The following ZFYVE28 variants were observed in gnomAD, a reference collection of about 807,000 sequenced individuals.
ZFYVE28 encodes zinc finger FYVE-type containing 28.
In ZFYVE28, 40 loss-of-function variants were observed where a neutral mutation model predicts 82.1. The ratio of observed to expected loss-of-function variants is 0.49; its 90% CI spans 0.38 to 0.63. The LOEUF (loss-of-function observed/expected upper bound fraction) is 0.63. Ranked by LOEUF, ZFYVE28 falls within the 30% of genes least tolerant of loss-of-function variation. The pLI is 0.00. For missense variants in ZFYVE28, 1,321 were observed against 1,242.1 expected, an observed-to-expected ratio of 1.06 and a Z score of -0.96; for synonymous variants, 612 against 546.1, an observed-to-expected ratio of 1.12 and a Z score of -1.68.
rs1713073623 is a variant in ZFYVE28, at chr4:2,288,329, G to T, written c.2052-14113C>A. 2.0e-5 allele frequency among the ~76,000 whole-genome samples: 3 copies of T among 152,328 alleles called. No individual in the cohort carries two copies. In the South Asian group the frequency reaches 6.2e-4, roughly 32 times the overall value. ...AAAACCAACAGGTGACACTAGAACG[G>T]AACCTCATCTCTAATGAGGGCAAGT... On this transcript the variant is annotated intron_variant, in intron 8 of 12. Transcript: ENST00000290974.
intron 1 of ZFYVE28, among the ~76,000 whole-genome samples, chr4:2,371,036 A>T (rs1341254137): frequency 1.3e-5 from 2 of 152,182 alleles, no homozygotes; most frequent in African/African-American, 4.8e-5. Flanking sequence ...GCGCAGCCCG[A>T]GTCTGGCTCT....
Position 2,320,332 on chromosome 4 carries a change from G to T in ZFYVE28, c.702-61C>A. 2 of 1,519,166 alleles carry T rather than the reference G, an allele frequency of 1.3e-6. No homozygotes were observed. The highest frequency in any genetic ancestry group is 1.8e-6 in the Non-Finnish European group (2 of 1,112,002). The allele number at this position is 1,519,166 out of a possible 1,614,324, so 94.1% of individuals were successfully genotyped here. A position where few individuals can be genotyped will look rare whatever the true frequency, so the allele number is the denominator to read the frequency against. ...CTGTGGCCCCCTGGGTGCCGCGGAC[G>T]GCCCAACTTAACCACCTGCGAAAAC... On this transcript the variant is annotated intron_variant, in intron 6 of 12. Transcript: ENST00000290974. This position sits in a 1 kb window ranked among gnomAD's most constrained non-coding sequence, Gnocchi z 5.1.
At position 2,354,006 on chromosome 4, in the gene ZFYVE28, T is replaced by C; in HGVS notation, c.107A>G (p.Glu36Gly). 6.3e-7 allele frequency: 1 copy of C among 1,582,076 alleles called. No individual in the cohort carries two copies. Among genetic ancestry groups the C allele is most frequent in the African/African-American group, 1.4e-5 (1 of 73,558 alleles). ...CTTCCGCCCATCCAGGCTGTCCAGC[T>C]CCGCGGCCACCTGGTTCAGCTCCTC... ...ADEELNQVAA[E>G]LDSLDGRKDP... Residue 36 changes from glutamate to glycine, a missense_variant, in exon 2 of 13, where the codon GAG becomes GGG. Physicochemically the swap from Glu to Gly is moderately conservative, Grantham distance 98. This residue lies in a region of ZFYVE28 where 343 missense variants were observed against 408.4 expected (regional missense o/e 0.84). Transcript: ENST00000290974.
intron 1 of ZFYVE28, among the ~76,000 whole-genome samples, chr4:2,375,424 A>G (rs542892337): frequency 6.6e-6 from 1 of 152,318 alleles, no homozygotes; most frequent in Non-Finnish European, 1.5e-5. Flanking sequence ...CCCCTGCTGG[A>G]CAGCAGTGGC....
Position 2,394,704 on chromosome 4 carries a change from G to C in ZFYVE28, c.39+23581C>G, listed in dbSNP as rs997350671. ...TCACACAGGTCTGCGATCCGATCCT[G>C]TGAACAGGCACCACTCTGCGCAGCT... On this transcript the variant is annotated intron_variant, in intron 1 of 12. Coordinates refer to ENST00000290974, the MANE Select transcript of ZFYVE28 (RefSeq NM_020972.3). This position sits in a 1 kb window ranked among gnomAD's most constrained non-coding sequence, Gnocchi z 4.0. Among the ~76,000 whole-genome samples the C allele has an allele frequency of 6.6e-6, 1 of 152,240 alleles. No homozygotes were observed. Among genetic ancestry groups the C allele is most frequent in the Non-Finnish European group, 1.5e-5 (1 of 68,040 alleles).
At chr4:2,367,851 G>A (rs181389829) in intron 1 of ZFYVE28, among the ~76,000 whole-genome samples, 12 of 152,250 alleles carry the variant, frequency 7.9e-5, no homozygotes, top group Admixed American at 6.5e-4. Flanking sequence ...AGGACCTAAC[G>A]GACTTAAGAC....
rs759232091 is a variant in ZFYVE28, at chr4:2,305,192, G to A, written c.1148C>T (p.Ala383Val). The A allele has an allele frequency of 7.8e-5, 125 of 1,600,680 alleles. No homozygotes were observed. The highest frequency in any genetic ancestry group is 9.6e-5 in the Non-Finnish European group (112 of 1,171,496). The change falls in exon 8 of 13, where the codon GCC (alanine) becomes GTC (valine). Residue 383 changes from alanine to valine, a missense_variant. Physicochemically the swap from Ala to Val is moderately conservative, Grantham distance 64. Around this residue, in one of 2 missense-constraint regions of ZFYVE28, gnomAD observed 978 missense variants for 833.7 expected, o/e 1.17. Coordinates refer to ENST00000290974, the MANE Select transcript of ZFYVE28 (RefSeq NM_020972.3). ...CCGCAGGCGCGGTCTACCTGGAGAG[G>A]CCTCCCCGCCTGGGCTGCCCTCCGC... ...PGAEGSPGGE[A>V]SPGRPRLRSG... is the part of the protein sequence containing the mutation.
Position 2,304,711 on chromosome 4 carries a change from C to A in ZFYVE28, c.1629G>T (p.Glu543Asp). The A allele has an allele frequency of 6.2e-7, 1 of 1,612,714 alleles. No individual in the cohort carries two copies. Residue 543 changes from glutamate to aspartate, a missense_variant, in exon 8 of 13, where the codon GAG becomes GAT. Glu to Asp is a conservative substitution (Grantham distance 45). Transcript: ENST00000290974. ...TQEAASEPVA[E>D]GMDGGPHKLS... ...GCTTGTGGGGGCCGCCATCCATCCC[C>A]TCGGCCACGGGCTCCGAGGCGGCCT...
At chr4:2,400,439 A>G (rs1189631779) in intron 1 of ZFYVE28, among the ~76,000 whole-genome samples, 6 of 139,252 alleles carry the variant, frequency 4.3e-5, no homozygotes, top group African/African-American at 1.6e-4. Flanking sequence ...GTCCCACCGC[A>G]ATTCGACAGT....
At chr4:2,361,935 G>A (rs1726221572) in intron 1 of ZFYVE28, among the ~76,000 whole-genome samples, 2 of 152,248 alleles carry the variant, frequency 1.3e-5, no homozygotes, top group South Asian at 4.1e-4. Flanking sequence ...GGGAGGACAG[G>A]CAGCACAGCC....
At position 2,304,827 on chromosome 4, in the gene ZFYVE28, C is replaced by T. The variant is rs543648457; in HGVS notation, c.1513G>A (p.Ala505Thr). Residue 505 changes from alanine (A) to threonine (T), a missense_variant, in exon 8 of 13, where the codon GCC (alanine) becomes ACC (threonine). This residue lies in a region of ZFYVE28 where 978 missense variants were observed against 833.7 expected (regional missense o/e 1.17). Coordinates refer to ENST00000290974, the MANE Select transcript of ZFYVE28 (RefSeq NM_020972.3). ...ADDAETAEMI[A>T]HRTGGMKLSA... Reference sequence around the variant, plus strand: ...AGCTTCATGCCCCCTGTCCGGTGGGCGATCATCTCAGCCGTCTCTGCGTCA... The same window carrying T: ...AGCTTCATGCCCCCTGTCCGGTGGGTGATCATCTCAGCCGTCTCTGCGTCA... 5.0e-6 allele frequency: 8 copies of T among 1,612,502 alleles called. No individual in the cohort carries two copies. The highest frequency in any genetic ancestry group is 1.1e-5 in the South Asian group (1 of 91,086).
At chr4:2,389,936 C>T (rs777152166) in intron 1 of ZFYVE28, among the ~76,000 whole-genome samples, 34 of 152,222 alleles carry the variant, frequency 2.2e-4, no homozygotes, top group Non-Finnish European at 3.2e-4. Flanking sequence ...CTGGCTTGGA[C>T]GCCCAACGCC....
chr4:2,313,037 CT>C lies in ZFYVE28; in HGVS notation c.803+7132del, dbSNP rs1717711081. On this transcript the variant is annotated intron_variant, in intron 7 of 12. Transcript: ENST00000290974. ...CTCCAGCCTGGGTGACAGAGTAAGA[CT>C]CTGTCTCAAATAAATAAATAAATAG... 2.6e-5 allele frequency among the ~76,000 whole-genome samples: 4 copies of C among 151,830 alleles called. No homozygotes were observed. The South Asian group carries it at 8.3e-4, about 32-fold the overall frequency.
At chr4:2,307,694 A>G (rs1716797852) in intron 7 of ZFYVE28, among the ~76,000 whole-genome samples, 1 of 152,128 alleles carries the variant, frequency 6.6e-6, no homozygotes, top group African/African-American at 2.4e-5. Context: ...GGGTCTCACT[A>G]TGTTGCCCAG....
chr4:2,384,875 T>A (rs1287990510), intron 1 of ZFYVE28, among the ~76,000 whole-genome samples: 1 of 152,154 alleles, frequency 6.6e-6, no homozygotes, highest in Non-Finnish European at 1.5e-5. Flanking sequence ...AACTCTTGCC[T>A]TTTCAAGATG....
rs1430732603 is a variant in ZFYVE28, at chr4:2,418,440, C to T, written c.-117G>A. 3 of 840,308 alleles carry T rather than the reference C, an allele frequency of 3.6e-6. No homozygotes were observed. The highest frequency in any genetic ancestry group is 4.4e-6 in the Non-Finnish European group (3 of 679,462). 52.1% of individuals were successfully genotyped at this position (840,308 alleles called of 1,614,324 possible). On this transcript the variant is annotated 5_prime_UTR_variant, in exon 1 of 13. Transcript: ENST00000290974. This position sits in a 1 kb window ranked among gnomAD's most constrained non-coding sequence, Gnocchi z 4.6. ...CACGGCCGGAGCCCCCGCGCTGTCG[C>T]AGGGAGGCTGGCTAGCGAAGCCCGG... is the stretch of plus-strand genomic sequence containing the variant.
chr4:2,352,499 C>T (rs539591659), intron 2 of ZFYVE28, among the ~76,000 whole-genome samples: 39 of 151,468 alleles, frequency 2.6e-4, no homozygotes, highest in Non-Finnish European at 4.9e-4. Flanking sequence ...GGCCCTGGAG[C>T]GGAGTGGACA....
chr4:2,391,420 G>A (rs1030181395), intron 1 of ZFYVE28, among the ~76,000 whole-genome samples: 4 of 140,722 alleles, frequency 2.8e-5, no homozygotes, highest in African/African-American at 1.1e-4. Flanking sequence ...CAAGGTTACT[G>A]TCTTAGGTCA....
At chr4:2,384,752 C>A (rs1021406570) in intron 1 of ZFYVE28, among the ~76,000 whole-genome samples, 2 of 152,196 alleles carry the variant, frequency 1.3e-5, no homozygotes, top group Non-Finnish European at 2.9e-5. Context: ...TCAGAAAAAT[C>A]TTTATTTAAT....
Sources: gnomAD v4.1 joint callset for allele counts (sites outside exome capture counted in the v4.1 genomes callset) on GRCh38, gnomAD v4.1.1 for gene constraint, gnomAD v4.1.1 regional missense constraint, Gnocchi (gnomAD v3.1) non-coding constraint, MANE v1.5 for transcripts, NCBI Gene and HGNC (gene_info 2026-07-23, HGNC 2026-07-21) for gene names.